LRRTM4: variants seen among roughly 807,000 people sequenced by gnomAD.
LRRTM4 encodes leucine rich repeat transmembrane neuronal 4.
Under a neutral mutation model 47.6 loss-of-function variants are expected in LRRTM4, and 25 were observed. The observed-to-expected ratio is 0.53, with a 90% CI of 0.38 to 0.73. The LOEUF (loss-of-function observed/expected upper bound fraction) is 0.73, where lower values mean the gene tolerates loss of function less well. Among genes scored for constraint, LRRTM4 ranks in the 30% least tolerant of loss-of-function variants. The probability of loss-of-function intolerance (pLI) is 0.00; values close to 1 mark genes in which losing one functional copy is unlikely to be tolerated. For missense variants in LRRTM4, 638 were observed against 713.4 expected (o/e 0.89, Z 1.20); for synonymous variants, 311 against 269.5 (o/e 1.15, Z -1.51).
chr2:77,289,692 A>T (rs1676765822), intron 3 of LRRTM4, among the ~76,000 whole-genome samples: 2 of 152,068 alleles, frequency 1.3e-5, no homozygotes, highest in Admixed American at 1.3e-4. Context: ...CAATGTAGGC[A>T]GATTGATTGA....
intron 3 of LRRTM4, among the ~76,000 whole-genome samples, chr2:77,344,918 T>C (rs1231411612): frequency 6.6e-6 from 1 of 151,664 alleles, no homozygotes; most frequent in Non-Finnish European, 1.5e-5. Flanking sequence ...ACCAGATTTC[T>C]TTTCTCATGC....
intron 3 of LRRTM4, among the ~76,000 whole-genome samples, chr2:77,199,607 G>A (rs1344191862): frequency 6.6e-6 from 1 of 152,004 alleles, no homozygotes; most frequent in Non-Finnish European, 1.5e-5. Flanking sequence ...AGTCATATTA[G>A]GAAAACTGTT....
chr2:77,133,020 T>TA (rs1671843395), intron 3 of LRRTM4, among the ~76,000 whole-genome samples: 1 of 152,180 alleles, frequency 6.6e-6, no homozygotes, highest in Non-Finnish European at 1.5e-5. Context: ...TCTGCCCAGG[T>TA]AAATCTATTT....
At chr2:77,339,120 G>C (rs529839133) in intron 3 of LRRTM4, among the ~76,000 whole-genome samples, 88 of 151,248 alleles carry the variant, frequency 5.8e-4, no homozygotes, top group Non-Finnish European at 1.2e-3. Context: ...GGGGAACAAG[G>C]GTTAAAAAAA....
At chr2:77,132,125 A>G (rs1671818535) in intron 3 of LRRTM4, among the ~76,000 whole-genome samples, 1 of 151,982 alleles carries the variant, frequency 6.6e-6, no homozygotes. Flanking sequence ...GTACCCATGA[A>G]CTCTTTATTC....
intron 3 of LRRTM4, among the ~76,000 whole-genome samples, chr2:77,248,352 C>T (rs939868620): frequency 6.6e-6 from 1 of 151,672 alleles, no homozygotes; most frequent in Non-Finnish European, 1.5e-5. Flanking sequence ...AAAGCATGTA[C>T]AAGATGTGAA....
intron 3 of LRRTM4, among the ~76,000 whole-genome samples, chr2:77,120,549 C>T (rs1269288639): frequency 6.6e-6 from 1 of 151,654 alleles, no homozygotes; most frequent in Non-Finnish European, 1.5e-5. Flanking sequence ...AAATAAGCTA[C>T]ATAAGGTTTT....
At chr2:76,762,370 T>A (rs1224959630) in intron 3 of LRRTM4, among the ~76,000 whole-genome samples, 3 of 152,146 alleles carry the variant, frequency 2.0e-5, no homozygotes, top group Non-Finnish European at 4.4e-5. Context: ...ACCATTTCTA[T>A]AATATTATTT....
At chr2:77,002,130 A>G (rs573557614) in intron 3 of LRRTM4, among the ~76,000 whole-genome samples, 38 of 152,286 alleles carry the variant, frequency 2.5e-4, no homozygotes, top group African/African-American at 8.7e-4. Context: ...ATTATTCTCA[A>G]ATAATATTGT....
intron 3 of LRRTM4, among the ~76,000 whole-genome samples, chr2:76,831,861 A>G (rs531909572): frequency 6.6e-6 from 1 of 152,234 alleles, no homozygotes; most frequent in Admixed American, 6.6e-5. Flanking sequence ...AATATAATCT[A>G]TATTTGACGC....
At chr2:77,473,610 C>T (rs1480816822) in intron 3 of LRRTM4, among the ~76,000 whole-genome samples, 1 of 152,078 alleles carries the variant, frequency 6.6e-6, no homozygotes, top group African/African-American at 2.4e-5. Context: ...ACTCACAGAC[C>T]TTGAGCTTTA....
chr2:77,252,508 T>C (rs1236891166), intron 3 of LRRTM4, among the ~76,000 whole-genome samples: 1 of 151,404 alleles, frequency 6.6e-6, no homozygotes, highest in East Asian at 1.9e-4. Flanking sequence ...CCTAAGTCTT[T>C]TTAGATTTTA....
chr2:76,970,268 GTACAT>G (rs750232733), intron 3 of LRRTM4, among the ~76,000 whole-genome samples: 1 of 151,890 alleles, frequency 6.6e-6, no homozygotes, highest in Non-Finnish European at 1.5e-5. Flanking sequence ...ATATAACGAA[GTACAT>G]CATGCTGCCT....
intron 3 of LRRTM4, among the ~76,000 whole-genome samples, chr2:77,296,115 T>C (rs1676966218): frequency 6.6e-6 from 1 of 152,190 alleles, no homozygotes; most frequent in Non-Finnish European, 1.5e-5. Flanking sequence ...ATAATGCAAA[T>C]ATTTCTTAAG....
intron 3 of LRRTM4, among the ~76,000 whole-genome samples, chr2:76,930,415 GTTCTTATT>G (rs982945136): frequency 1.3e-4 from 20 of 152,216 alleles, no homozygotes; most frequent in African/African-American, 4.8e-4. Flanking sequence ...TATGGGTTTT[GTTCTTATT>G]TTATTATTTT....
chr2:77,276,531 T>C (rs1232928461), intron 3 of LRRTM4, among the ~76,000 whole-genome samples: 4 of 150,620 alleles, frequency 2.7e-5, no homozygotes, highest in South Asian at 2.1e-4. Context: ...TATATAGATA[T>C]AGGCTTTGAT....
intron 3 of LRRTM4, among the ~76,000 whole-genome samples, chr2:77,087,056 T>C (rs1303844672): frequency 6.6e-6 from 1 of 152,094 alleles, no homozygotes; most frequent in East Asian, 1.9e-4. Flanking sequence ...GAATTGAAAA[T>C]CAGAAAGTTC....
Position 77,269,817 on chromosome 2 carries a change from A to G in LRRTM4, c.1551+248501T>C, listed in dbSNP as rs780055141. Among the ~76,000 whole-genome samples the G allele has an allele frequency of 2.6e-5, 4 of 152,318 alleles. No individual in the cohort carries two copies. In the East Asian group the frequency reaches 7.7e-4, roughly 29 times the overall value. On this transcript the variant is annotated intron_variant, in intron 3 of 3. Coordinates refer to ENST00000409884, the MANE Select transcript of LRRTM4 (RefSeq NM_001134745.3). ...CAACAAAAAGCAAATAATAAAAGAG[A>G]CTAAATAATCCAATGTTTTATCCTT...
At chr2:77,457,877 T>G (rs1237877247) in intron 3 of LRRTM4, among the ~76,000 whole-genome samples, 1 of 152,176 alleles carries the variant, frequency 6.6e-6, no homozygotes, top group Non-Finnish European at 1.5e-5. Flanking sequence ...TTGTAAGAGA[T>G]GCCTTCCTGG....
Sources: gnomAD v4.1 joint callset for allele counts (sites outside exome capture counted in the v4.1 genomes callset) on GRCh38, gnomAD v4.1.1 for gene constraint, MANE v1.5 for transcripts, NCBI Gene and HGNC (gene_info 2026-07-23, HGNC 2026-07-21) for gene names.